The following USH2A variants were observed in gnomAD, a reference collection of about 807,000 sequenced individuals.
USH2A encodes the protein Usher syndrome 2A (autosomal recessive, mild).
USH2A carries 443 observed loss-of-function variants against 538.9 expected under a neutral mutation model. That is an observed-to-expected ratio of 0.82 (90% CI 0.76 to 0.89). USH2A has a LOEUF of 0.89. USH2A is among the 40% of genes least tolerant of loss of function. The pLI is 0.00. For missense variants in USH2A, 6,633 were observed against 6,324.8 expected (o/e 1.05, Z -1.65); for synonymous variants, 2,413 against 2,273.5 (o/e 1.06, Z -1.75).
intron 21 of USH2A, among the ~76,000 whole-genome samples, chr1:216,144,018 C>CA (rs1408140593): frequency 1.3e-5 from 2 of 152,190 alleles, no homozygotes; most frequent in African/African-American, 4.8e-5. Flanking sequence ...AAATGAGAGC[C>CA]AAAAATGTAA....
chr1:216,220,371 C>T (rs1055930001), intron 14 of USH2A, among the ~76,000 whole-genome samples: 4 of 148,734 alleles, frequency 2.7e-5, no homozygotes, highest in Non-Finnish European at 5.9e-5. Flanking sequence ...AGAATTGCCC[C>T]GGTCCTCAAG....
intron 4 of USH2A, among the ~76,000 whole-genome samples, chr1:216,351,149 A>C (rs2038278138): frequency 1.3e-5 from 2 of 152,226 alleles, no homozygotes; most frequent in African/African-American, 4.8e-5. Context: ...GCAAATAAAA[A>C]AAATCTTGCT....
At position 215,862,420 on chromosome 1, in the gene USH2A, G is replaced by C. The variant is rs548461077; in HGVS notation, c.8845+4587C>G. On this transcript the variant is annotated intron_variant, in intron 44 of 71. Coordinates refer to ENST00000307340, the MANE Select transcript of USH2A (RefSeq NM_206933.4). ...CACACACCGGGGCCTGTCGTGGGGT[G>C]GGGGGAGTGGGGAGGGATAGCATTA... Among the ~76,000 whole-genome samples, 231 of 152,120 alleles carry C rather than the reference G, an allele frequency of 1.5e-3. 1 individual carries two copies. Among genetic ancestry groups the C allele is most frequent in the African/African-American group, 5.3e-3 (220 of 41,512 alleles).
intron 35 of USH2A, among the ~76,000 whole-genome samples, chr1:215,983,020 G>A (rs1029829080): frequency 1.3e-5 from 2 of 151,930 alleles, no homozygotes; most frequent in East Asian, 1.9e-4. Context: ...GCACACTCTC[G>A]GCTCACTGGA....
At chr1:215,649,691 G>C (rs528546621) in intron 65 of USH2A, among the ~76,000 whole-genome samples, 1 of 152,252 alleles carries the variant, frequency 6.6e-6, no homozygotes, top group African/African-American at 2.4e-5. Flanking sequence ...CTGACACTCT[G>C]GTCTCAGAGG....
chr1:215,724,722 G>A (rs1436938422), intron 61 of USH2A, among the ~76,000 whole-genome samples: 5 of 152,044 alleles, frequency 3.3e-5, no homozygotes, highest in South Asian at 4.1e-4. Flanking sequence ...GCCTCAGAAC[G>A]AATCACTCAT....
chr1:216,050,810 T>C (rs1433571268), intron 30 of USH2A, among the ~76,000 whole-genome samples: 1 of 151,558 alleles, frequency 6.6e-6, no homozygotes, highest in African/African-American at 2.4e-5. Context: ...TTTCACCGTG[T>C]TAGCCAGGAT....
chr1:215,836,565 A>AATATATATATATATATATTTTTT (rs1663536970), intron 47 of USH2A, among the ~76,000 whole-genome samples: 44 of 32,844 alleles, frequency 1.3e-3, no homozygotes, highest in African/African-American at 3.9e-3. Context: ...ATATATATAT[A>AATATATATATATATATATTTTTT]TTTTTTTTTG....
At position 216,325,205 on chromosome 1, in the gene USH2A, T is replaced by C. The variant is rs545031979; in HGVS notation, c.1143+100A>G. ...ATTTCATATTTCTGATCTCCAGAAC[T>C]GTTAGGGAATATATTTCTGTTGTTT... On this transcript the variant is annotated intron_variant, in intron 6 of 71. Transcript: ENST00000307340. 13 of 1,295,568 alleles carry C rather than the reference T, an allele frequency of 1.0e-5. No individual in the cohort carries two copies. The East Asian group carries it at 3.1e-4, about 31-fold the overall frequency. The allele number at this position is 1,295,568 out of a possible 1,614,324, so 80.3% of individuals were successfully genotyped here. A position where few individuals can be genotyped will look rare whatever the true frequency, so the allele number is the denominator to read the frequency against.
intron 11 of USH2A, among the ~76,000 whole-genome samples, chr1:216,259,575 G>T (rs1371015956): frequency 6.6e-6 from 1 of 151,980 alleles, no homozygotes; most frequent in African/African-American, 2.4e-5. Flanking sequence ...CAACTTATTA[G>T]AATTGATGCA....
chr1:216,137,081 T>C (rs974219495), intron 21 of USH2A, among the ~76,000 whole-genome samples: 1 of 152,298 alleles, frequency 6.6e-6, no homozygotes. Flanking sequence ...AAACTAGATT[T>C]GAGAACTAAA....
chr1:215,685,017 A>T (rs1372181120), intron 61 of USH2A, among the ~76,000 whole-genome samples: 1 of 152,094 alleles, frequency 6.6e-6, no homozygotes, highest in Non-Finnish European at 1.5e-5. Flanking sequence ...AATGATAAGG[A>T]ATGATTATAC....
At chr1:216,042,945 G>A (rs775672531) in intron 32 of USH2A, among the ~76,000 whole-genome samples, 7 of 151,998 alleles carry the variant, frequency 4.6e-5, no homozygotes, top group Admixed American at 6.6e-5. Flanking sequence ...TGCAAGCCAC[G>A]GAAAGAGACT....
chr1:215,876,176 T>C (rs1027014509), intron 43 of USH2A, among the ~76,000 whole-genome samples: 3 of 152,046 alleles, frequency 2.0e-5, no homozygotes, highest in African/African-American at 4.8e-5. Flanking sequence ...AAGTAAATAA[T>C]GAATTAAAAG....
rs144892471 is a variant in USH2A, at chr1:215,998,980, T to A, written c.6564A>T (p.Thr2188=). 1.4e-5 allele frequency: 22 copies of A among 1,612,868 alleles called. No individual in the cohort carries two copies. In the African/African-American group the frequency reaches 2.7e-4, roughly 20 times the overall value. The part of the protein sequence containing the change: ...LYMSNHTHDF[T]IWSVIYNSTE... ...TACTGTTATAGATGACACTCCAAAT[T>A]GTAAAATCATGTGTATGGTTTGACA... Residue 2188 remains threonine, a synonymous_variant, in exon 34 of 72, where the codon ACA becomes ACT. Transcript: ENST00000307340.
intron 32 of USH2A, among the ~76,000 whole-genome samples, chr1:216,030,085 AT>A (rs1669066754): frequency 6.8e-6 from 1 of 146,242 alleles, no homozygotes; most frequent in African/African-American, 2.5e-5. Flanking sequence ...TATGATATAT[AT>A]GATATACATC....
At chr1:216,022,461 A>G (rs954167667) in intron 32 of USH2A, among the ~76,000 whole-genome samples, 6 of 152,170 alleles carry the variant, frequency 3.9e-5, no homozygotes, top group African/African-American at 1.4e-4. Flanking sequence ...AATCGGAGCC[A>G]GGTATGGTGC....
chr1:216,148,724 G>A (rs1220204966), intron 21 of USH2A, among the ~76,000 whole-genome samples: 39 of 151,926 alleles, frequency 2.6e-4, no homozygotes, highest in African/African-American at 8.5e-4. Context: ...TATACACCCT[G>A]TGGTGCCAAA....
At chr1:215,912,510 T>C (rs1665831617) in intron 38 of USH2A, among the ~76,000 whole-genome samples, 1 of 17,642 alleles carries the variant, frequency 5.7e-5, no homozygotes, top group East Asian at 1.3e-3. Flanking sequence ...TATATATATA[T>C]ACGTGTATAT....
Sources: allele counts gnomAD v4.1 joint callset (sites outside exome capture counted in the v4.1 genomes callset), GRCh38; gene constraint gnomAD v4.1.1; transcripts MANE v1.5; gene names NCBI Gene and HGNC (gene_info 2026-07-23, HGNC 2026-07-21).